Variants in STXBP5L observed in about 807,000 individuals in gnomAD.
The protein encoded by STXBP5L is syntaxin binding protein 5L.
Under a neutral mutation model 144.5 loss-of-function variants are expected in STXBP5L, and 65 were observed. That is an observed-to-expected ratio of 0.45 (90% CI 0.37 to 0.55). The LOEUF is 0.55. Among genes scored for constraint, STXBP5L ranks in the 20% least tolerant of loss-of-function variants. STXBP5L has a pLI of 0.00. For synonymous variants in STXBP5L, 505 were observed against 469.6 expected (o/e 1.08, Z -0.97); for missense variants, 1,298 against 1,405.5 (o/e 0.92, Z 1.22).
At chr3:121,263,560 G>A (rs2050455511) in intron 18 of STXBP5L, among the ~76,000 whole-genome samples, 2 of 152,130 alleles carry the variant, frequency 1.3e-5, no homozygotes, top group Non-Finnish European at 1.5e-5. Context: ...ATGCAGGGAA[G>A]CTAAGAACCT....
At chr3:121,039,417 C>T (rs1946985657) in intron 3 of STXBP5L, among the ~76,000 whole-genome samples, 2 of 151,558 alleles carry the variant, frequency 1.3e-5, no homozygotes, top group Non-Finnish European at 2.9e-5. Flanking sequence ...TATCATTTTA[C>T]TTCTACATAC....
At chr3:120,970,844 A>G (rs1230226235) in intron 3 of STXBP5L, among the ~76,000 whole-genome samples, 1 of 152,114 alleles carries the variant, frequency 6.6e-6, no homozygotes, top group African/African-American at 2.4e-5. Flanking sequence ...ACAGGAACTA[A>G]AACAATTCAC....
At position 121,259,065 on chromosome 3, in the gene STXBP5L, A is replaced by G. The variant is rs1426100346; in HGVS notation, c.1855A>G (p.Met619Val). 2.5e-6 allele frequency: 4 copies of G among 1,604,678 alleles called. No homozygotes were observed. The Admixed American group carries it at 6.7e-5, about 27-fold the overall frequency. The change falls in exon 18 of 27, where the codon ATG becomes GTG. Residue 619 changes from methionine (M) to valine (V), a missense_variant. Physicochemically the swap from Met to Val is conservative, Grantham distance 21. Coordinates refer to ENST00000471454, the MANE Select transcript of STXBP5L (RefSeq NM_001308330.2). ...AAGTGTGAAGACACGGCCAGTGCGAATGCCTCCAGGATATCAAGCAGAACT... is the reference window on the plus strand; with the variant it reads ...AAGTGTGAAGACACGGCCAGTGCGAGTGCCTCCAGGATATCAAGCAGAACT... Reference protein sequence around the residue: ...CLNVKTRPVRMPPGYQAELVI... With the variant: ...CLNVKTRPVRVPPGYQAELVI...
intron 5 of STXBP5L, among the ~76,000 whole-genome samples, chr3:121,097,320 G>C (rs553357744): frequency 6.6e-6 from 1 of 152,132 alleles, no homozygotes; most frequent in Non-Finnish European, 1.5e-5. Flanking sequence ...GGAGTGAACG[G>C]TTCTGTCTTG....
chr3:121,130,138 A>G (rs2044908914), intron 7 of STXBP5L, among the ~76,000 whole-genome samples: 1 of 152,114 alleles, frequency 6.6e-6, no homozygotes, highest in South Asian at 2.1e-4. Flanking sequence ...ATGCTTTGCA[A>G]GCTACTGTAC....
chr3:121,090,546 C>A (rs747903700), intron 5 of STXBP5L, among the ~76,000 whole-genome samples: 2 of 152,074 alleles, frequency 1.3e-5, no homozygotes, highest in Non-Finnish European at 2.9e-5. Context: ...GAAATCATGG[C>A]TTTTGCTCCT....
rs568394079 is a variant in STXBP5L, at chr3:121,319,810, C to T, written c.2176+1270C>T. ...CAATACCCTTTATCAAATTTACATACGTAACTTCAAATTTTGTTATAGCTG... is the reference window on the plus strand; with the variant it reads ...CAATACCCTTTATCAAATTTACATATGTAACTTCAAATTTTGTTATAGCTG... On this transcript the variant is annotated intron_variant, in intron 20 of 26. Transcript: ENST00000471454. Among the ~76,000 whole-genome samples the T allele has an allele frequency of 6.6e-5, 10 of 152,196 alleles. No individual in the cohort carries two copies. The South Asian group carries it at 8.3e-4, about 13-fold the overall frequency.
chr3:120,959,265 T>A (rs1037954142), intron 3 of STXBP5L, among the ~76,000 whole-genome samples: 15 of 152,190 alleles, frequency 9.9e-5, no homozygotes, highest in Non-Finnish European at 1.5e-5. Flanking sequence ...TACAAACAAA[T>A]GGAAGAACAT....
At position 120,942,707 on chromosome 3, in the gene STXBP5L, T is replaced by G. The variant is rs562601099; in HGVS notation, c.190-12233T>G. ...TCCAAAACATTTTTAGTAATTTGTT[T>G]CTATTTTCTTGTATTTATATGCATT... On this transcript the variant is annotated intron_variant, in intron 2 of 26. Coordinates refer to ENST00000471454, the MANE Select transcript of STXBP5L (RefSeq NM_001308330.2). Among the ~76,000 whole-genome samples, 21 of 151,620 alleles carry G rather than the reference T, an allele frequency of 1.4e-4. No homozygotes were observed. In the South Asian group the frequency reaches 4.1e-3, roughly 30 times the overall value.
At chr3:121,123,254 C>T (rs1217613926) in intron 7 of STXBP5L, among the ~76,000 whole-genome samples, 3 of 151,368 alleles carry the variant, frequency 2.0e-5, no homozygotes, top group Non-Finnish European at 4.4e-5. Context: ...TGTATATATA[C>T]CAGGATGAGC....
intron 2 of STXBP5L, among the ~76,000 whole-genome samples, chr3:120,943,838 T>A (rs1017940369): frequency 6.0e-5 from 9 of 151,240 alleles, no homozygotes; most frequent in African/African-American, 9.7e-5. Context: ...TTTTTTTTTT[T>A]AAACTGGATC....
intron 9 of STXBP5L, 117 bp from the exon 10 acceptor site, chr3:121,205,806 C>T: frequency 4.1e-6 from 2 of 493,666 alleles, no homozygotes; most frequent in Non-Finnish European, 6.9e-6. Context: ...CCTATTATGA[C>T]AAACATAGAA....
At chr3:121,343,005 C>A (rs371557346) in intron 20 of STXBP5L, among the ~76,000 whole-genome samples, 3 of 151,328 alleles carry the variant, frequency 2.0e-5, no homozygotes, top group Non-Finnish European at 4.4e-5. Flanking sequence ...CTCTCCAGCA[C>A]CTGCTGTTTC....
At chr3:121,194,348 C>A (rs139892646) in intron 9 of STXBP5L, among the ~76,000 whole-genome samples, 1 of 152,044 alleles carries the variant, frequency 6.6e-6, no homozygotes, top group South Asian at 2.1e-4. Flanking sequence ...TCATTCATGT[C>A]GTATGAGTAC....
At chr3:121,295,064 C>T (rs34428729) in intron 19 of STXBP5L, among the ~76,000 whole-genome samples, 1 of 151,844 alleles carries the variant, frequency 6.6e-6, no homozygotes. Context: ...AGATTAATAC[C>T]TGGATTGGAG....
Position 121,257,377 on chromosome 3 carries a change from C to A in STXBP5L, c.1832+44C>A. ...TTTTCAAACAATTTTAGATATTAAT[C>A]ATATGTCTTTGAAACTGTGACAAAT... is the stretch of plus-strand genomic sequence containing the variant. On this transcript the variant is annotated intron_variant, in intron 17 of 26. Transcript: ENST00000471454. The A allele has an allele frequency of 2.6e-6, 4 of 1,515,628 alleles. No homozygotes were observed. The African/African-American group carries it at 4.1e-5, about 16-fold the overall frequency. 93.9% of individuals were successfully genotyped at this position (1,515,628 alleles called of 1,614,324 possible).
At chr3:120,946,328 A>G (rs1710854915) in intron 2 of STXBP5L, among the ~76,000 whole-genome samples, 1 of 151,768 alleles carries the variant, frequency 6.6e-6, no homozygotes, top group Non-Finnish European at 1.5e-5. Flanking sequence ...CATCCTCAAC[A>G]TATGGCTTCC....
At chr3:121,368,370 A>C (rs1160834857) in intron 20 of STXBP5L, among the ~76,000 whole-genome samples, 1 of 151,488 alleles carries the variant, frequency 6.6e-6, no homozygotes, top group Non-Finnish European at 1.5e-5. Context: ...TATTTTGTTC[A>C]TACATCCTTT....
intron 9 of STXBP5L, among the ~76,000 whole-genome samples, chr3:121,178,021 G>A (rs2047001437): frequency 6.6e-6 from 1 of 152,132 alleles, no homozygotes; most frequent in East Asian, 1.9e-4. Flanking sequence ...AGTAAGCCAG[G>A]CACAAGAAGA....
Sources: allele counts gnomAD v4.1 joint callset (sites outside exome capture counted in the v4.1 genomes callset), GRCh38; gene constraint gnomAD v4.1.1; transcripts MANE v1.5; gene names NCBI Gene and HGNC (gene_info 2026-07-23, HGNC 2026-07-21).